Variants in RALGAPA2 observed in about 807,000 individuals in gnomAD.
RALGAPA2 encodes Ral GTPase activating protein catalytic subunit alpha 2.
Under a neutral mutation model 230.4 loss-of-function variants are expected in RALGAPA2, and 139 were observed. That is an observed-to-expected ratio of 0.60 (90% CI 0.53 to 0.69). The LOEUF (loss-of-function observed/expected upper bound fraction) is 0.69, where lower values mean the gene tolerates loss of function less well. Ranked by LOEUF, RALGAPA2 falls within the 30% of genes least tolerant of loss-of-function variation. The pLI, the probability that RALGAPA2 is intolerant of heterozygous loss-of-function variation, is 0.00. For synonymous variants in RALGAPA2, 847 were observed against 837.8 expected (o/e 1.01, Z -0.19); for missense variants, 2,163 against 2,276.0 (o/e 0.95, Z 1.01).
chr20:20,708,591 T>C (rs558656731), intron 1 of RALGAPA2, among the ~76,000 whole-genome samples: 1 of 152,352 alleles, frequency 6.6e-6, no homozygotes, highest in East Asian at 1.9e-4. Context: ...TCCCGAGGCA[T>C]GTGGAACTGT....
intron 12 of RALGAPA2, among the ~76,000 whole-genome samples, chr20:20,618,146 G>A (rs2066207559): frequency 6.6e-6 from 1 of 152,168 alleles, no homozygotes; most frequent in South Asian, 2.1e-4. Context: ...TGACATTAGT[G>A]AGGACCTACT....
intron 37 of RALGAPA2, among the ~76,000 whole-genome samples, chr20:20,458,822 CTA>C (rs200288941): frequency 0.23 from 2,189 of 9,638 alleles, 10 homozygotes; most frequent in Middle Eastern, 0.38. Context: ...ATATATAGAC[CTA>C]TATATATATA....
rs1321272592 is a variant in RALGAPA2 at position 20,467,227 on chromosome 20, C to G, written c.5495+5602G>C. On this transcript the variant is annotated intron_variant, in intron 37 of 39. Transcript: ENST00000202677. Reference sequence around the variant, plus strand: ...GATAGTATTTTATTTTATATTTTACCAAAATCAAGATGTATATGCTTCCTC... The same window carrying G: ...GATAGTATTTTATTTTATATTTTACGAAAATCAAGATGTATATGCTTCCTC... Among the ~76,000 whole-genome samples, 3 of 152,016 alleles carry G rather than the reference C, an allele frequency of 2.0e-5. No individual in the cohort carries two copies. In the East Asian group the frequency reaches 5.8e-4, roughly 29 times the overall value.
intron 5 of RALGAPA2, among the ~76,000 whole-genome samples, chr20:20,641,879 T>A (rs2067041434): frequency 1.3e-5 from 2 of 151,436 alleles, no homozygotes; most frequent in Non-Finnish European, 2.9e-5. Flanking sequence ...AATAAATAAA[T>A]AAAAATATTC....
chr20:20,686,459 T>C (rs917162524), intron 1 of RALGAPA2, among the ~76,000 whole-genome samples: 4 of 151,484 alleles, frequency 2.6e-5, no homozygotes, highest in Non-Finnish European at 5.9e-5. Context: ...GGCAGGAGAA[T>C]TGACTCAACC....
intron 20 of RALGAPA2, among the ~76,000 whole-genome samples, chr20:20,577,992 G>A (rs958258889): frequency 6.6e-6 from 1 of 151,986 alleles, no homozygotes; most frequent in Non-Finnish European, 1.5e-5. Context: ...ACCTGCCAAC[G>A]AATATGCCCT....
At chr20:20,599,846 G>A (rs1315936293) in intron 16 of RALGAPA2, among the ~76,000 whole-genome samples, 1 of 151,984 alleles carries the variant, frequency 6.6e-6, no homozygotes, top group African/African-American at 2.4e-5. Flanking sequence ...GGTGGTGCAT[G>A]CCTGTAATCC....
chr20:20,472,686 C>T (rs1056302801), intron 37 of RALGAPA2, 143 bp downstream of exon 37: 10 of 729,418 alleles, frequency 1.4e-5, no homozygotes, highest in Middle Eastern at 6.0e-4. Context: ...CTATGAAAAA[C>T]CACTATGTTA....
At chr20:20,672,043 C>T (rs1157400500) in intron 3 of RALGAPA2, among the ~76,000 whole-genome samples, 1 of 152,212 alleles carries the variant, frequency 6.6e-6, no homozygotes, top group Non-Finnish European at 1.5e-5. Flanking sequence ...CTGATGCCAA[C>T]ACCAGCGCTA....
chr20:20,624,339 AAAAAAAAAAAGAAAGGC>A (rs2066422198), intron 10 of RALGAPA2, among the ~76,000 whole-genome samples: 1 of 151,520 alleles, frequency 6.6e-6, no homozygotes. Flanking sequence ...AAAAAAAAAA[AAAAAAAAAAAGAAAGGC>A]AAAAGAAAAA....
intron 37 of RALGAPA2, among the ~76,000 whole-genome samples, chr20:20,468,915 C>G (rs1029221153): frequency 2.0e-5 from 3 of 151,852 alleles, no homozygotes; most frequent in African/African-American, 7.3e-5. Flanking sequence ...GTCCATGGCC[C>G]CTTAAATGTT....
At chr20:20,431,701 C>A (rs1036205111) in intron 37 of RALGAPA2, among the ~76,000 whole-genome samples, 7 of 152,112 alleles carry the variant, frequency 4.6e-5, no homozygotes, top group African/African-American at 1.7e-4. Flanking sequence ...TTTAAGTGTT[C>A]TCACCACAAA....
chr20:20,617,176 C>T lies in RALGAPA2; in HGVS notation c.1540-985G>A, dbSNP rs144235610. Among the ~76,000 whole-genome samples, 1,097 of 152,246 alleles carry T rather than the reference C, an allele frequency of 7.2e-3. 10 individuals carry two copies. Among genetic ancestry groups the T allele is most frequent in the African/African-American group, 0.025 (1,053 of 41,544 alleles). On this transcript the variant is annotated intron_variant, in intron 12 of 39. Transcript: ENST00000202677. ...TCAATAACACAAACTCAAAGCATGA[C>T]GGAGCTTCTCTAGCTCATTTATAAG... is the stretch of plus-strand genomic sequence containing the variant.
chr20:20,619,234 T>A (rs1452665601), intron 12 of RALGAPA2, 43 bp downstream of exon 12: 2 of 1,538,402 alleles, frequency 1.3e-6, no homozygotes, highest in South Asian at 1.3e-5. Context: ...TGGCTCCAGC[T>A]GTAGGCGGTG....
intron 18 of RALGAPA2, 64 bp downstream of exon 18, chr20:20,589,200 TTTAC>T: frequency 6.9e-7 from 1 of 1,446,854 alleles, no homozygotes; most frequent in Non-Finnish European, 9.1e-7. Context: ...CACCAATAAA[TTTAC>T]TTACTGAGCA....
At chr20:20,678,136 G>C (rs753143618) in intron 2 of RALGAPA2, among the ~76,000 whole-genome samples, 1 of 152,142 alleles carries the variant, frequency 6.6e-6, no homozygotes, top group Admixed American at 6.5e-5. Flanking sequence ...TTTGAAGATA[G>C]AGCCAATAAC....
intron 37 of RALGAPA2, among the ~76,000 whole-genome samples, chr20:20,417,684 A>G (rs1329109865): frequency 6.6e-6 from 1 of 152,220 alleles, no homozygotes; most frequent in East Asian, 1.9e-4. Flanking sequence ...AGGACACCAT[A>G]TGAGTCAGGT....
intron 23 of RALGAPA2, among the ~76,000 whole-genome samples, chr20:20,554,943 A>G (rs952966752): frequency 1.3e-5 from 2 of 152,234 alleles, no homozygotes; most frequent in African/African-American, 4.8e-5. Context: ...ATGATAATTT[A>G]TCCATTTTTC....
intron 1 of RALGAPA2, among the ~76,000 whole-genome samples, chr20:20,697,767 T>G (rs2069176183): frequency 6.6e-6 from 1 of 151,604 alleles, no homozygotes. Context: ...CCTGGCAGAG[T>G]TGGCCTGAGA....
Sources: gnomAD v4.1 joint callset for allele counts (sites outside exome capture counted in the v4.1 genomes callset) on GRCh38, gnomAD v4.1.1 for gene constraint, MANE v1.5 for transcripts, NCBI Gene and HGNC (gene_info 2026-07-23, HGNC 2026-07-21) for gene names.